Variants in CNTNAP2 observed in about 807,000 individuals in gnomAD.
The protein encoded by CNTNAP2 is contactin associated protein 2, also known as contactin-associated protein-like 2.
Under a neutral mutation model 155.2 loss-of-function variants are expected in CNTNAP2, and 98 were observed. The observed-to-expected ratio is 0.63, with a 90% CI of 0.54 to 0.75. The LOEUF is 0.75. Among genes scored for constraint, CNTNAP2 ranks in the 30% least tolerant of loss-of-function variants. CNTNAP2 has a pLI of 0.00. For missense variants in CNTNAP2, 1,727 were observed against 1,688.1 expected (o/e 1.02, Z -0.40); for synonymous variants, 651 against 631.2 (o/e 1.03, Z -0.47).
rs527750532 is a variant in CNTNAP2 at position 147,023,256 on chromosome 7, T to C, written c.403-20651T>C. 1.2e-3 allele frequency among the ~76,000 whole-genome samples: 186 copies of C among 152,312 alleles called. 1 individual carries two copies. Among genetic ancestry groups the C allele is most frequent in the African/African-American group, 4.2e-3 (176 of 41,564 alleles). On this transcript the variant is annotated intron_variant, in intron 3 of 23. Transcript: ENST00000361727. ...GTTTCTCTCCCTACATGTGCTAACA[T>C]TTGTTTAGAAATTTTATATTATGTT...
chr7:147,911,877 C>A (rs576872375), intron 14 of CNTNAP2, among the ~76,000 whole-genome samples: 1 of 152,250 alleles, frequency 6.6e-6, no homozygotes, highest in Non-Finnish European at 1.5e-5. Flanking sequence ...TTTATTTCCA[C>A]ATTTTAGTGA....
intron 15 of CNTNAP2, among the ~76,000 whole-genome samples, chr7:148,025,695 T>G (rs1802362235): frequency 1.3e-5 from 2 of 152,208 alleles, no homozygotes; most frequent in Non-Finnish European, 2.9e-5. Flanking sequence ...TTCTTACACT[T>G]ACTTACTTGC....
chr7:146,268,329 C>T (rs765760348), intron 1 of CNTNAP2, among the ~76,000 whole-genome samples: 42 of 152,138 alleles, frequency 2.8e-4, no homozygotes, highest in Non-Finnish European at 4.1e-4. Context: ...AAACCCTGAC[C>T]CTCCACGCAG....
chr7:147,832,569 A>G (rs1798568538), intron 13 of CNTNAP2, among the ~76,000 whole-genome samples: 1 of 146,002 alleles, frequency 6.8e-6, no homozygotes, highest in South Asian at 2.1e-4. Context: ...AATATATTAT[A>G]TTGAAATATA....
At chr7:147,910,747 T>G (rs1431638830) in intron 14 of CNTNAP2, among the ~76,000 whole-genome samples, 2 of 152,148 alleles carry the variant, frequency 1.3e-5, no homozygotes, top group African/African-American at 4.8e-5. Context: ...ACTTAGTCCC[T>G]ACCAGGAGAA....
chr7:147,572,340 A>AGGCCTACACCTGT (rs139428360), intron 12 of CNTNAP2, among the ~76,000 whole-genome samples: 2,171 of 152,210 alleles, frequency 0.014, 49 homozygotes, highest in African/African-American at 0.05. Flanking sequence ...AGATCCAGTG[A>AGGCCTACACCTGT]GGCCTACACC....
Position 147,564,211 on chromosome 7 carries a change from G to A in CNTNAP2, c.1897+1954G>A, listed in dbSNP as rs887805551. Among the ~76,000 whole-genome samples the A allele has an allele frequency of 4.0e-5, 6 of 151,718 alleles. 1 individual carries two copies. The highest frequency in any genetic ancestry group is 4.2e-4 in the South Asian group (2 of 4,816). On this transcript the variant is annotated intron_variant, in intron 12 of 23. Coordinates refer to ENST00000361727, the MANE Select transcript of CNTNAP2 (RefSeq NM_014141.6). ...ATAAAAAAATAAAATGGGAACTAGC[G>A]TCCCCCTAAATTTCTAAATTTCCCC...
chr7:147,119,943 C>T (rs1186873531), intron 5 of CNTNAP2, among the ~76,000 whole-genome samples: 1 of 152,150 alleles, frequency 6.6e-6, no homozygotes, highest in Non-Finnish European at 1.5e-5. Flanking sequence ...ATGAAACAAA[C>T]TATGTAAACT....
At chr7:147,501,528 G>C (rs1276037352) in intron 11 of CNTNAP2, among the ~76,000 whole-genome samples, 1 of 152,156 alleles carries the variant, frequency 6.6e-6, no homozygotes, top group African/African-American at 2.4e-5. Context: ...TTTTATAGTG[G>C]TGTGAAGCCA....
chr7:148,260,176 T>C (rs1433599720), intron 20 of CNTNAP2, among the ~76,000 whole-genome samples: 2 of 152,204 alleles, frequency 1.3e-5, no homozygotes, highest in Non-Finnish European at 1.5e-5. Flanking sequence ...TCTCGCTATA[T>C]CTGATTTAAA....
intron 1 of CNTNAP2, among the ~76,000 whole-genome samples, chr7:146,688,519 C>T (rs1168318905): frequency 6.6e-6 from 1 of 151,962 alleles, no homozygotes; most frequent in Non-Finnish European, 1.5e-5. Context: ...GGGTTGTTCT[C>T]TTGTGGGCAG....
intron 3 of CNTNAP2, among the ~76,000 whole-genome samples, chr7:146,898,359 CAGGA>C (rs1795920519): frequency 1.3e-5 from 2 of 152,092 alleles, no homozygotes; most frequent in African/African-American, 4.8e-5. Context: ...AGACATCACT[CAGGA>C]AGGATCTAAG....
At chr7:146,180,154 C>T (rs1207414986) in intron 1 of CNTNAP2, among the ~76,000 whole-genome samples, 1 of 152,154 alleles carries the variant, frequency 6.6e-6, no homozygotes, top group African/African-American at 2.4e-5. Context: ...GCTTTTTTCA[C>T]TTTAATAATT....
chr7:147,592,274 T>C (rs1800749750), intron 12 of CNTNAP2, among the ~76,000 whole-genome samples: 1 of 152,190 alleles, frequency 6.6e-6, no homozygotes, highest in Non-Finnish European at 1.5e-5. Context: ...ATTATTTTGA[T>C]ACTCTAAAGC....
chr7:148,157,638 G>A (rs1356226531), intron 17 of CNTNAP2, among the ~76,000 whole-genome samples: 1 of 145,602 alleles, frequency 6.9e-6, no homozygotes, highest in East Asian at 2.1e-4. Context: ...AATCAGTCTA[G>A]AGCCTGAGCA....
chr7:147,391,043 T>C (rs1436787837), intron 9 of CNTNAP2, among the ~76,000 whole-genome samples: 2 of 151,984 alleles, frequency 1.3e-5, no homozygotes, highest in Non-Finnish European at 2.9e-5. Context: ...CAAGAGAAAA[T>C]GAAGCTGTTT....
chr7:146,621,237 G>T (rs1799311518), intron 1 of CNTNAP2, among the ~76,000 whole-genome samples: 1 of 152,190 alleles, frequency 6.6e-6, no homozygotes, highest in South Asian at 2.1e-4. Flanking sequence ...AAAAGTTGGG[G>T]AGAGAATATA....
chr7:147,331,214 A>G (rs371311309), intron 9 of CNTNAP2, among the ~76,000 whole-genome samples: 7 of 152,220 alleles, frequency 4.6e-5, no homozygotes, highest in Middle Eastern at 3.4e-3. Flanking sequence ...TTGAGGTACA[A>G]TGTTCCCTGG....
At chr7:147,489,551 A>G (rs1423469785) in intron 11 of CNTNAP2, among the ~76,000 whole-genome samples, 2 of 152,218 alleles carry the variant, frequency 1.3e-5, no homozygotes, top group East Asian at 1.9e-4. Flanking sequence ...TAAAATGATC[A>G]TGTTGAACAG....
Sources: gnomAD v4.1 joint callset for allele counts (sites outside exome capture counted in the v4.1 genomes callset) on GRCh38, gnomAD v4.1.1 for gene constraint, MANE v1.5 for transcripts, NCBI Gene and HGNC (gene_info 2026-07-23, HGNC 2026-07-21) for gene names.